The following ZNF438 variants were observed in gnomAD, a reference collection of about 807,000 sequenced individuals.
ZNF438 encodes zinc finger protein 438.
Under a neutral mutation model 38.0 loss-of-function variants are expected in ZNF438, and 25 were observed. The observed-to-expected ratio is 0.66, with a 90% CI of 0.48 to 0.92. The LOEUF (loss-of-function observed/expected upper bound fraction) is 0.92. Ranked by LOEUF, ZNF438 falls within the 40% of genes least tolerant of loss-of-function variation. The pLI is 0.00. For synonymous variants in ZNF438, 372 were observed against 364.1 expected (o/e 1.02, Z -0.25); for missense variants, 1,007 against 999.6 (o/e 1.01, Z -0.10).
At chr10:30,958,683 T>G (rs1271493652) in intron 1 of ZNF438, among the ~76,000 whole-genome samples, 1 of 146,958 alleles carries the variant, frequency 6.8e-6, no homozygotes, top group African/African-American at 2.4e-5. Context: ...AGTTTTCCAT[T>G]ATCTCTCCCA....
At chr10:30,904,864 G>A (rs2042413721) in intron 3 of ZNF438, among the ~76,000 whole-genome samples, 1 of 152,180 alleles carries the variant, frequency 6.6e-6, no homozygotes, top group African/African-American at 2.4e-5. Context: ...CTCCTTAAGA[G>A]AACTGTCCCT....
At chr10:30,892,095 A>G (rs1410336359) in intron 3 of ZNF438, among the ~76,000 whole-genome samples, 2 of 152,194 alleles carry the variant, frequency 1.3e-5, no homozygotes, top group African/African-American at 4.8e-5. Context: ...TCCTCAATCA[A>G]TCTGGCTGGC....
chr10:30,870,089 A>G (rs1353364571), intron 4 of ZNF438, among the ~76,000 whole-genome samples: 1 of 152,214 alleles, frequency 6.6e-6, no homozygotes, highest in African/African-American at 2.4e-5. Flanking sequence ...TTATCTGAGA[A>G]AAACGTCATA....
intron 1 of ZNF438, among the ~76,000 whole-genome samples, chr10:31,000,358 C>A (rs79975488): frequency 1.3e-5 from 2 of 152,180 alleles, no homozygotes; most frequent in African/African-American, 4.8e-5. Flanking sequence ...ATCTGAGGCC[C>A]CACTGCCAGA....
rs1377017933 is a variant in ZNF438 at position 30,948,680 on chromosome 10, C to T, written c.-191-7029G>A. Among the ~76,000 whole-genome samples the T allele has an allele frequency of 1.5e-4, 22 of 149,962 alleles. No individual in the cohort carries two copies. In the East Asian group the frequency reaches 2.3e-3, roughly 16 times the overall value. On this transcript the variant is annotated intron_variant, in intron 1 of 5. Transcript: ENST00000413025. ...GGAAGATGAAATGAATGAAATGAAG[C>T]GAGAAGGGAAGTTTAGACAAAAAAG...
chr10:30,951,744 A>G (rs1384578549), intron 1 of ZNF438, among the ~76,000 whole-genome samples: 1 of 150,052 alleles, frequency 6.7e-6, no homozygotes, highest in Admixed American at 6.7e-5. Context: ...TCAATGAAAT[A>G]AAAGAGGATA....
intron 3 of ZNF438, among the ~76,000 whole-genome samples, chr10:30,899,230 TA>T (rs901951385): frequency 6.6e-6 from 1 of 151,672 alleles, no homozygotes; most frequent in Admixed American, 6.6e-5. Context: ...GTATAAACTT[TA>T]AAAAAAAGGA....
chr10:30,949,410 TAAATGTAA>T (rs1379679794), intron 1 of ZNF438, among the ~76,000 whole-genome samples: 1 of 152,176 alleles, frequency 6.6e-6, no homozygotes, highest in East Asian at 1.9e-4. Context: ...ATATTAACTT[TAAATGTAA>T]ATGGACTAAA....
chr10:30,952,142 C>A (rs1321877105), intron 1 of ZNF438, among the ~76,000 whole-genome samples: 3 of 151,566 alleles, frequency 2.0e-5, no homozygotes, highest in East Asian at 1.9e-4. Flanking sequence ...CAAAAACAAG[C>A]AATGGGGAAA....
intron 1 of ZNF438, among the ~76,000 whole-genome samples, chr10:30,993,830 G>T (rs1223195304): frequency 6.6e-6 from 1 of 152,262 alleles, no homozygotes; most frequent in Non-Finnish European, 1.5e-5. Flanking sequence ...TAAAGCCACG[G>T]GGTGGAACCA....
At chr10:30,862,886 A>G (rs1282215710) in intron 4 of ZNF438, among the ~76,000 whole-genome samples, 1 of 152,252 alleles carries the variant, frequency 6.6e-6, no homozygotes, top group African/African-American at 2.4e-5. Context: ...CTTTTATACT[A>G]TAATTTCAAA....
intron 1 of ZNF438, among the ~76,000 whole-genome samples, chr10:30,958,478 G>C (rs1314172896): frequency 1.4e-5 from 2 of 146,904 alleles, no homozygotes; most frequent in Non-Finnish European, 1.5e-5. Flanking sequence ...AAATATAGGA[G>C]CTTTTATAAG....
intron 4 of ZNF438, among the ~76,000 whole-genome samples, chr10:30,874,020 C>T (rs1161783183): frequency 6.6e-6 from 1 of 150,506 alleles, no homozygotes; most frequent in Non-Finnish European, 1.5e-5. Context: ...TAGCATGTGC[C>T]CAGCAAACTT....
chr10:31,016,550 C>T (rs1165031310), intron 1 of ZNF438, among the ~76,000 whole-genome samples: 3 of 152,296 alleles, frequency 2.0e-5, no homozygotes, highest in South Asian at 2.1e-4. Flanking sequence ...AGTAGCTTTG[C>T]TCTATAAGGT....
At chr10:30,901,881 T>C (rs1040500190) in intron 3 of ZNF438, among the ~76,000 whole-genome samples, 5 of 152,170 alleles carry the variant, frequency 3.3e-5, no homozygotes, top group East Asian at 1.9e-4. Context: ...GGTGGGTTCA[T>C]GATCTTGCTG....
At chr10:30,953,730 G>A (rs1211364435) in intron 1 of ZNF438, among the ~76,000 whole-genome samples, 1 of 151,754 alleles carries the variant, frequency 6.6e-6, no homozygotes, top group African/African-American at 2.4e-5. Flanking sequence ...AGCTGGAAGT[G>A]ACTTAAGAAG....
At chr10:30,852,298 T>A (rs2033804009) in intron 4 of ZNF438, among the ~76,000 whole-genome samples, 1 of 151,670 alleles carries the variant, frequency 6.6e-6, no homozygotes, top group Non-Finnish European at 1.5e-5. Flanking sequence ...AACCTCTGCC[T>A]CCTGGGTTCA....
intron 1 of ZNF438, among the ~76,000 whole-genome samples, chr10:31,010,375 G>C (rs1373167548): frequency 6.6e-6 from 1 of 152,132 alleles, no homozygotes; most frequent in Non-Finnish European, 1.5e-5. Flanking sequence ...TAAATAGGTA[G>C]TTCTAACCTT....
chr10:30,971,016 G>A (rs1324469955), intron 1 of ZNF438, among the ~76,000 whole-genome samples: 1 of 152,120 alleles, frequency 6.6e-6, no homozygotes, highest in Non-Finnish European at 1.5e-5. Context: ...AACTGCACAA[G>A]AATAAAAAGT....
Sources: gnomAD v4.1 joint callset for allele counts (sites outside exome capture counted in the v4.1 genomes callset) on GRCh38, gnomAD v4.1.1 for gene constraint, MANE v1.5 for transcripts, NCBI Gene and HGNC (gene_info 2026-07-23, HGNC 2026-07-21) for gene names.